The following PCCB variants were observed in gnomAD, a reference collection of about 807,000 sequenced individuals.
PCCB encodes propionyl-CoA carboxylase subunit beta.
PCCB carries 43 observed loss-of-function variants against 60.7 expected under a neutral mutation model. The ratio of observed to expected loss-of-function variants is 0.71; its 90% CI spans 0.55 to 0.91. The LOEUF (loss-of-function observed/expected upper bound fraction) is 0.91. Among genes scored for constraint, PCCB ranks in the 40% least tolerant of loss-of-function variants. The pLI is 0.00. For missense variants in PCCB, 766 were observed against 702.8 expected, an observed-to-expected ratio of 1.09 and a Z score of -1.02; for synonymous variants, 276 against 255.9, an observed-to-expected ratio of 1.08 and a Z score of -0.75.
chr3:136,284,902 C>T (rs752503289), intron 6 of PCCB, among the ~76,000 whole-genome samples: 61 of 151,888 alleles, frequency 4.0e-4, no homozygotes, highest in Non-Finnish European at 7.4e-4. Context: ...GCCTAGGCAA[C>T]GTAGCGAAAC....
intron 1 of PCCB, among the ~76,000 whole-genome samples, chr3:136,252,967 A>G (rs1941558212): frequency 6.7e-6 from 1 of 149,972 alleles, no homozygotes; most frequent in African/African-American, 2.5e-5. Context: ...GGGGAAAATA[A>G]TAGCCAATTT....
At chr3:136,322,809 T>G (rs1935153782) in intron 10 of PCCB, among the ~76,000 whole-genome samples, 1 of 152,196 alleles carries the variant, frequency 6.6e-6, no homozygotes, top group South Asian at 2.1e-4. Flanking sequence ...CAGCTTTTGT[T>G]TATCTGAAAA....
At chr3:136,299,107 A>T (rs1934073479) in intron 8 of PCCB, among the ~76,000 whole-genome samples, 1 of 152,032 alleles carries the variant, frequency 6.6e-6, no homozygotes. Context: ...ACTTGAAGGT[A>T]TTATGGCCCA....
At chr3:136,276,454 C>T (rs770836436) in intron 5 of PCCB, among the ~76,000 whole-genome samples, 3 of 152,184 alleles carry the variant, frequency 2.0e-5, no homozygotes, top group Non-Finnish European at 4.4e-5. Flanking sequence ...CAGACTCGCT[C>T]CTGCCCTAGT....
In PCCB at chr3:136,255,979, T is replaced by G. The variant is rs1559995397; in HGVS notation, c.303+4T>G. 2.5e-6 allele frequency: 4 copies of G among 1,614,192 alleles called. No individual in the cohort carries two copies. The highest frequency in any genetic ancestry group is 3.4e-6 in the Non-Finnish European group (4 of 1,180,000). On this transcript the variant is annotated splice_donor_region_variant and intron_variant, in intron 2 of 14. Transcript: ENST00000251654. ...AATGGCTGCTGATAAGAATAAGGTA[T>G]TTGTTCAAATGGTGGTGTGAACACT... is the stretch of plus-strand genomic sequence containing the variant.
At chr3:136,285,432 T>G (rs1477082848) in intron 6 of PCCB, among the ~76,000 whole-genome samples, 1 of 152,176 alleles carries the variant, frequency 6.6e-6, no homozygotes, top group Non-Finnish European at 1.5e-5. Context: ...GTCTTTCCTA[T>G]CATCAAAACA....
chr3:136,285,656 A>T (rs1181059249), intron 6 of PCCB, among the ~76,000 whole-genome samples: 1 of 151,196 alleles, frequency 6.6e-6, no homozygotes, highest in East Asian at 1.9e-4. Flanking sequence ...ATTATACCAT[A>T]CTCTGGCATT....
intron 3 of PCCB, 123 bp from the exon 4 acceptor site, chr3:136,260,356 G>T: frequency 1.3e-6 from 1 of 792,948 alleles, no homozygotes. Flanking sequence ...GGGATTACAG[G>T]CATGAGCCAC....
intron 6 of PCCB, among the ~76,000 whole-genome samples, chr3:136,285,311 C>T (rs780662932): frequency 6.6e-6 from 1 of 152,130 alleles, no homozygotes; most frequent in South Asian, 2.1e-4. Flanking sequence ...CTGAATATAA[C>T]TCTCCACCCT....
chr3:136,327,386 G>T, intron 12 of PCCB, 131 bp downstream of exon 12: 1 of 781,678 alleles, frequency 1.3e-6, no homozygotes, highest in Middle Eastern at 3.4e-4. Flanking sequence ...ATCTCTTGAG[G>T]ATGTTGTTCC....
At chr3:136,295,284 A>C (rs1411454471) in intron 7 of PCCB, among the ~76,000 whole-genome samples, 6 of 152,238 alleles carry the variant, frequency 3.9e-5, no homozygotes, top group Admixed American at 3.9e-4. Context: ...ATTTCTTCCC[A>C]GTGTCCCTAA....
chr3:136,300,404 G>A (rs1934221132), intron 8 of PCCB, among the ~76,000 whole-genome samples: 1 of 152,200 alleles, frequency 6.6e-6, no homozygotes, highest in Admixed American at 6.5e-5. Flanking sequence ...GGTTGGAGAG[G>A]GGCAAGTTGC....
At chr3:136,277,877 C>T (rs1300071016) in intron 5 of PCCB, among the ~76,000 whole-genome samples, 4 of 152,218 alleles carry the variant, frequency 2.6e-5, no homozygotes, top group African/African-American at 4.8e-5. Flanking sequence ...TCAGGCCATG[C>T]TCCTCCCAGG....
intron 9 of PCCB, among the ~76,000 whole-genome samples, chr3:136,309,278 A>AG (rs945874330): frequency 6.6e-6 from 1 of 151,574 alleles, no homozygotes; most frequent in African/African-American, 2.4e-5. Context: ...AAAAAAAAAA[A>AG]AAGAAAAGAA....
rs1472403904 is a variant in PCCB at position 136,301,130 on chromosome 3, T to C, written c.966+19T>C. On this transcript the variant is annotated intron_variant, in intron 9 of 14. Coordinates refer to ENST00000251654, the MANE Select transcript of PCCB (RefSeq NM_000532.5). ...ACACTCTGTAAGTGCCACATCTGTT[T>C]GTCTTGCCTGTCCTAGTCAGCCACA... The C allele has an allele frequency of 1.3e-6, 2 of 1,589,014 alleles. No homozygotes were observed. Among genetic ancestry groups the C allele is most frequent in the Non-Finnish European group, 1.7e-6 (2 of 1,157,054 alleles).
chr3:136,262,954 G>GTT (rs570598390), intron 5 of PCCB, among the ~76,000 whole-genome samples: 49 of 122,876 alleles, frequency 4.0e-4, no homozygotes, highest in African/African-American at 8.1e-4. Flanking sequence ...TCTGGAGGAG[G>GTT]TTTTTTTTTT....
chr3:136,257,565 A>G (rs1382104880), intron 3 of PCCB, among the ~76,000 whole-genome samples: 2 of 152,102 alleles, frequency 1.3e-5, no homozygotes, highest in Non-Finnish European at 2.9e-5. Flanking sequence ...ACTATTTTGG[A>G]TTTGACTTTT....
chr3:136,312,527 A>G (rs1005983172), intron 9 of PCCB, among the ~76,000 whole-genome samples: 3 of 152,244 alleles, frequency 2.0e-5, no homozygotes, highest in Non-Finnish European at 4.4e-5. Flanking sequence ...CTTTTAATAA[A>G]TGATGCTGGG....
intron 5 of PCCB, among the ~76,000 whole-genome samples, chr3:136,262,720 A>G (rs1014218978): frequency 1.3e-5 from 2 of 152,194 alleles, no homozygotes; most frequent in Admixed American, 1.3e-4. Flanking sequence ...GGGAGAAGAA[A>G]GGAAGGAGAC....
Sources: gnomAD v4.1 joint callset for allele counts (sites outside exome capture counted in the v4.1 genomes callset) on GRCh38, gnomAD v4.1.1 for gene constraint, MANE v1.5 for transcripts, NCBI Gene and HGNC (gene_info 2026-07-23, HGNC 2026-07-21) for gene names.